ONECUT3: variants seen among roughly 807,000 people sequenced by gnomAD.
The protein encoded by ONECUT3 is one cut homeobox 3, also known as one cut domain family member 3.
Under a neutral mutation model 16.8 loss-of-function variants are expected in ONECUT3, and 11 were observed. The observed-to-expected ratio is 0.66, with a 90% CI of 0.41 to 1.09. ONECUT3 has a LOEUF of 1.09. Among genes scored for constraint, ONECUT3 ranks in the 50% least tolerant of loss-of-function variants. The probability of loss-of-function intolerance (pLI) is 0.00; values close to 1 mark genes in which losing one functional copy is unlikely to be tolerated. For missense variants in ONECUT3, 637 were observed against 629.9 expected, an observed-to-expected ratio of 1.01 and a Z score of -0.12; for synonymous variants, 344 against 310.7, an observed-to-expected ratio of 1.11 and a Z score of -1.13.
intron 1 of ONECUT3, among the ~76,000 whole-genome samples, chr19:1,763,350 G>A (rs2067956694): frequency 1.2e-5 from 1 of 86,534 alleles, no homozygotes; most frequent in East Asian, 3.6e-4. Context: ...CTGGGTGACA[G>A]AGTGAGACTC....
At chr19:1,756,538 T>G (rs1248642802) in intron 1 of ONECUT3, among the ~76,000 whole-genome samples, 1 of 151,992 alleles carries the variant, frequency 6.6e-6, no homozygotes, top group African/African-American at 2.4e-5. Context: ...GCAGCTCTAT[T>G]TATTTATTGA....
Position 1,777,054 on chromosome 19 carries a change from G to A in ONECUT3, c.*1609G>A, listed in dbSNP as rs1360292365. The stretch of plus-strand genomic sequence containing the variant: ...AGAGAGAGAGAGGGAGAGAGAGGGA[G>A]AGAAAGGGAGAGAGGGAGGGAGAGG... On this transcript the variant is annotated 3_prime_UTR_variant, in exon 2 of 2. Coordinates refer to ENST00000382349, the MANE Select transcript of ONECUT3 (RefSeq NM_001080488.2). The A allele has an allele frequency of 6.6e-6, 1 of 151,564 alleles. No individual in the cohort carries two copies. The highest frequency in any genetic ancestry group is 1.5e-5 in the Non-Finnish European group (1 of 67,924). The allele number at this position is 151,564 out of a possible 1,614,324, so 9.4% of individuals were successfully genotyped here.
intron 1 of ONECUT3, among the ~76,000 whole-genome samples, chr19:1,765,177 C>T (rs1341820775): frequency 1.3e-5 from 2 of 152,128 alleles, no homozygotes; most frequent in Non-Finnish European, 2.9e-5. Context: ...GTCTCCATCT[C>T]CTCTAGTTGC....
chr19:1,765,815 G>A (rs1178190794), intron 1 of ONECUT3, among the ~76,000 whole-genome samples: 1 of 152,214 alleles, frequency 6.6e-6, no homozygotes, highest in African/African-American at 2.4e-5. Context: ...CATGGCTGCA[G>A]TGGTGAGGGG....
intron 1 of ONECUT3, among the ~76,000 whole-genome samples, chr19:1,760,123 G>C (rs536739700): frequency 1.3e-5 from 2 of 152,206 alleles, no homozygotes; most frequent in Non-Finnish European, 2.9e-5. Context: ...TTTTGAACCC[G>C]ATGCGGTTCC....
At chr19:1,769,174 G>T (rs1471046975) in intron 1 of ONECUT3, among the ~76,000 whole-genome samples, 1 of 149,852 alleles carries the variant, frequency 6.7e-6, no homozygotes, top group Non-Finnish European at 1.5e-5. Flanking sequence ...AGGAAGAGGT[G>T]CTGGAGGTGG....
Position 1,754,389 on chromosome 19 carries a change from G to C in ONECUT3, c.727G>C (p.Ala243Pro). The C allele has an allele frequency of 3.6e-6, 4 of 1,096,618 alleles. No homozygotes were observed. The highest frequency in any genetic ancestry group is 4.5e-6 in the Non-Finnish European group (4 of 893,712). The allele number at this position is 1,096,618 out of a possible 1,614,324, so 67.9% of individuals were successfully genotyped here. ...GGCTGGGGACAAGCTGCTGCCGCCC[G>C]CCGCCTTCGAGCCGCACGCCGCGCT... ...HLAGDKLLPP[A>P]AFEPHAALLG... Residue 243 changes from alanine (A) to proline (P), a missense_variant, in exon 1 of 2, where the codon GCC (alanine) becomes CCC (proline). By Grantham distance (27) the Ala-to-Pro change is conservative. Coordinates refer to ENST00000382349, the MANE Select transcript of ONECUT3 (RefSeq NM_001080488.2). The surrounding 1 kb of genome is among the most constrained non-coding windows in gnomAD (Gnocchi z 7.4).
chr19:1,771,490 T>A (rs1568600947), intron 1 of ONECUT3, among the ~76,000 whole-genome samples: 1 of 152,246 alleles, frequency 6.6e-6, no homozygotes, highest in Non-Finnish European at 1.5e-5. Context: ...TCCTTGGAAC[T>A]TTGAAAGCCT....
rs2067972470 is a variant in ONECUT3 at position 1,764,949 on chromosome 19, T to A, written c.1192+10095T>A. ...TCCCAGCCGGAGACCGGGCTCCATA[T>A]TGAATTGTCTGCTCCCTGAAGCCAG... On this transcript the variant is annotated intron_variant, in intron 1 of 1. Coordinates refer to ENST00000382349, the MANE Select transcript of ONECUT3 (RefSeq NM_001080488.2). The surrounding 1 kb of genome is among the most constrained non-coding windows in gnomAD (Gnocchi z 5.0). 6.6e-6 allele frequency among the ~76,000 whole-genome samples: 1 copy of A among 151,996 alleles called. No homozygotes were observed. The highest frequency in any genetic ancestry group is 1.5e-5 in the Non-Finnish European group (1 of 67,994).
At chr19:1,760,256 C>T (rs775242806) in intron 1 of ONECUT3, among the ~76,000 whole-genome samples, 33 of 152,344 alleles carry the variant, frequency 2.2e-4, no homozygotes, top group Non-Finnish European at 4.1e-4. Context: ...CAGGGCGTGG[C>T]TTTCGGCTGC....
chr19:1,767,733 G>A (rs556950124), intron 1 of ONECUT3, among the ~76,000 whole-genome samples: 22 of 152,362 alleles, frequency 1.4e-4, no homozygotes, highest in African/African-American at 4.8e-4. Flanking sequence ...AAAAGAAAAC[G>A]ACCCTTGTTG....
rs1206140380 is a variant in ONECUT3, at chr19:1,758,779, C to T, written c.1192+3925C>T. Among the ~76,000 whole-genome samples the T allele has an allele frequency of 3.2e-5, 4 of 125,588 alleles. No homozygotes were observed. The highest frequency in any genetic ancestry group is 5.7e-5 in the African/African-American group (2 of 35,394). 82.4% of individuals were successfully genotyped at this position (125,588 alleles called of 152,430 possible). A position where few individuals can be genotyped will look rare whatever the true frequency, so the allele number is the denominator to read the frequency against. On this transcript the variant is annotated intron_variant, in intron 1 of 1. Coordinates refer to ENST00000382349, the MANE Select transcript of ONECUT3 (RefSeq NM_001080488.2). This position sits in a 1 kb window ranked among gnomAD's most constrained non-coding sequence, Gnocchi z 5.9. The stretch of plus-strand genomic sequence containing the variant: ...GGAGAGGGGCTGGGGGAGGGGCGGG[C>T]GGGCTCCTCGGCGGGGGTGGGGGCG...
At position 1,775,310 on chromosome 19, in the gene ONECUT3, G is replaced by A. The variant is rs1363389304; in HGVS notation, c.1350G>A (p.Gln450=). ...AGATGCAGGTCACCATCTCGCAGCA[G>A]CTCGGCTTGGAGCTCAACACCGTCA... ...SKEMQVTISQ[Q]LGLELNTVSN... is the part of the protein sequence containing the mutation. Residue 450 remains glutamine (Q), a synonymous_variant, in exon 2 of 2, where the codon CAG becomes CAA. Transcript: ENST00000382349. 1.9e-6 allele frequency: 3 copies of A among 1,602,622 alleles called. No homozygotes were observed. The highest frequency in any genetic ancestry group is 2.7e-5 in the African/African-American group (2 of 74,318).
At position 1,754,307 on chromosome 19, in the gene ONECUT3, G is replaced by T. The variant is rs2145954736; in HGVS notation, c.645G>T (p.Gln215His). The T allele has an allele frequency of 9.5e-7, 1 of 1,053,800 alleles. No individual in the cohort carries two copies. Among genetic ancestry groups the T allele is most frequent in the Non-Finnish European group, 1.1e-6 (1 of 879,636 alleles). 65.3% of individuals were successfully genotyped at this position (1,053,800 alleles called of 1,614,324 possible). ...CGCCCGCGCTGCACGGCGCCCCGCAGCCCCCGCCGCCGCCACCACCCCCGC... is the reference window on the plus strand; with the variant it reads ...CGCCCGCGCTGCACGGCGCCCCGCATCCCCCGCCGCCGCCACCACCCCCGC... ...ALPPALHGAP[Q>H]PPPPPPPPPL... The change falls in exon 1 of 2, where the codon CAG (glutamine) becomes CAT (histidine). Residue 215 changes from glutamine (Q) to histidine (H), a missense_variant. Physicochemically the swap from Gln to His is conservative, Grantham distance 24. Coordinates refer to ENST00000382349, the MANE Select transcript of ONECUT3 (RefSeq NM_001080488.2). The surrounding 1 kb of genome is among the most constrained non-coding windows in gnomAD (Gnocchi z 7.4).
Position 1,754,379 on chromosome 19 carries a change from G to A in ONECUT3, c.717G>A (p.Leu239=). 1 of 1,102,992 alleles carries A rather than the reference G, an allele frequency of 9.1e-7. No individual in the cohort carries two copies. 68.3% of individuals were successfully genotyped at this position (1,102,992 alleles called of 1,614,324 possible). The part of the protein sequence containing the change: ...GPPGHLAGDK[L]LPPAAFEPHA... ...CAGGCCACCTGGCTGGGGACAAGCT[G>A]CTGCCGCCCGCCGCCTTCGAGCCGC... Residue 239 remains leucine (L), a synonymous_variant, in exon 1 of 2, where the codon CTG becomes CTA. Coordinates refer to ENST00000382349, the MANE Select transcript of ONECUT3 (RefSeq NM_001080488.2). The surrounding 1 kb of genome is among the most constrained non-coding windows in gnomAD (Gnocchi z 7.4).
Position 1,775,684 on chromosome 19 carries a change from C to CA in ONECUT3, c.*239_*240insA, listed in dbSNP as rs1294259332. On this transcript the variant is annotated 3_prime_UTR_variant, in exon 2 of 2. Coordinates refer to ENST00000382349, the MANE Select transcript of ONECUT3 (RefSeq NM_001080488.2). ...TCCAGGCCAAAGGAAGCCCTCCACC[C>CA]CCCCCCGGAGGGGAGGGAGTGACAG... is the stretch of plus-strand genomic sequence containing the variant. The CA allele has an allele frequency of 2.5e-6, 1 of 392,984 alleles. No homozygotes were observed. Among genetic ancestry groups the CA allele is most frequent in the African/African-American group, 2.1e-5 (1 of 46,864 alleles). 24.3% of individuals were successfully genotyped at this position (392,984 alleles called of 1,614,324 possible).
chr19:1,778,909 CACACCCCTA>C lies in ONECUT3; in HGVS notation c.*3465_*3473del, dbSNP rs1568606222. Reference sequence around the variant, plus strand: ...ACACACACACACACACACACACACACACACCCCTACCTGTTTCCGGACCCCACCCCAAAC... The same window carrying C: ...ACACACACACACACACACACACACACCCTGTTTCCGGACCCCACCCCAAAC... On this transcript the variant is annotated 3_prime_UTR_variant, in exon 2 of 2. Transcript: ENST00000382349. 1.3e-5 allele frequency: 2 copies of C among 150,848 alleles called. No individual in the cohort carries two copies. Among genetic ancestry groups the C allele is most frequent in the African/African-American group, 5.0e-5 (2 of 40,310 alleles). 9.3% of individuals were successfully genotyped at this position (150,848 alleles called of 1,614,324 possible).
Position 1,756,695 on chromosome 19 carries a change from A to ATTTTTTTTTT in ONECUT3, c.1192+1856_1192+1865dup, listed in dbSNP as rs58105449. 3.4e-3 allele frequency among the ~76,000 whole-genome samples: 343 copies of ATTTTTTTTTT among 101,134 alleles called. 1 individual carries two copies. The highest frequency in any genetic ancestry group is 4.7e-3 in the African/African-American group (115 of 24,656). The allele number at this position is 101,134 out of a possible 152,430, so 66.3% of individuals were successfully genotyped here. A position where few individuals can be genotyped will look rare whatever the true frequency, so the allele number is the denominator to read the frequency against. Reference sequence around the variant, plus strand: ...CAGACGCCCGCCACCACGCCTGGCTATTTTTTTTTTTTTTTTTTTTTTTTG... The same window carrying ATTTTTTTTTT: ...CAGACGCCCGCCACCACGCCTGGCTATTTTTTTTTTTTTTTTTTTTTTTTTTTTTTTTTTG... On this transcript the variant is annotated intron_variant, in intron 1 of 1. Transcript: ENST00000382349.
rs2068108294 is a variant in ONECUT3, at chr19:1,776,305, G to C, written c.*860G>C. ...GAGCGCAAGGAAGGACGCAGCTCCG[G>C]ACACGGGAGACCACGCCCAGGCTCC... is the stretch of plus-strand genomic sequence containing the variant. On this transcript the variant is annotated 3_prime_UTR_variant, in exon 2 of 2. Transcript: ENST00000382349. The surrounding 1 kb of genome is among the most constrained non-coding windows in gnomAD (Gnocchi z 4.9). 1 of 152,326 alleles carries C rather than the reference G, an allele frequency of 6.6e-6. No individual in the cohort carries two copies. The highest frequency in any genetic ancestry group is 2.4e-5 in the African/African-American group (1 of 41,464). 9.4% of individuals were successfully genotyped at this position (152,326 alleles called of 1,614,324 possible). A position where few individuals can be genotyped will look rare whatever the true frequency, so the allele number is the denominator to read the frequency against.
Sources: gnomAD v4.1 joint callset for allele counts (sites outside exome capture counted in the v4.1 genomes callset) on GRCh38, gnomAD v4.1.1 for gene constraint, Gnocchi (gnomAD v3.1) non-coding constraint, MANE v1.5 for transcripts, NCBI Gene and HGNC (gene_info 2026-07-23, HGNC 2026-07-21) for gene names.